LRBA: variants seen among roughly 807,000 people sequenced by gnomAD.
LRBA encodes LPS responsive beige-like anchor protein, also known as lipopolysaccharide-responsive and beige-like anchor protein.
A neutral mutation model predicts 330.0 loss-of-function variants in LRBA; 176 were observed. The ratio of observed to expected loss-of-function variants is 0.53; its 90% CI spans 0.47 to 0.60. The LOEUF (loss-of-function observed/expected upper bound fraction) is 0.60. Among genes scored for constraint, LRBA ranks in the 20% least tolerant of loss-of-function variants. LRBA has a pLI of 0.00. For synonymous variants in LRBA, 1,230 were observed against 1,193.0 expected, an observed-to-expected ratio of 1.03 and a Z score of -0.64; for missense variants, 3,259 against 3,444.8, an observed-to-expected ratio of 0.95 and a Z score of 1.35.
intron 47 of LRBA, among the ~76,000 whole-genome samples, chr4:150,362,102 A>G (rs992827562): frequency 1.3e-5 from 2 of 152,210 alleles, no homozygotes; most frequent in African/African-American, 4.8e-5. Context: ...TGTGCTTCAC[A>G]TAACTCAAAA....
At chr4:150,530,072 A>G (rs1459195776) in intron 40 of LRBA, among the ~76,000 whole-genome samples, 1 of 152,208 alleles carries the variant, frequency 6.6e-6, no homozygotes, top group Non-Finnish European at 1.5e-5. Flanking sequence ...TTGAAATTTA[A>G]TATGTGAATC....
At chr4:150,900,283 C>T (rs1266546479) in intron 13 of LRBA, 66 bp from the exon 14 acceptor site, 2 of 1,205,026 alleles carry the variant, frequency 1.7e-6, no homozygotes, top group African/African-American at 3.0e-5. Context: ...AGTAACACTT[C>T]CAGGCTGTTT....
At chr4:150,303,672 C>T (rs1484403923) in intron 52 of LRBA, among the ~76,000 whole-genome samples, 1 of 152,008 alleles carries the variant, frequency 6.6e-6, no homozygotes, top group Admixed American at 6.6e-5. Flanking sequence ...CCCAGGTTCA[C>T]GCCATTCTCC....
chr4:150,683,130 GT>G (rs1389502955), intron 37 of LRBA, among the ~76,000 whole-genome samples: 1 of 151,922 alleles, frequency 6.6e-6, no homozygotes, highest in African/African-American at 2.4e-5. Flanking sequence ...TGAAAATATG[GT>G]TACTTTCAAA....
At chr4:150,741,047 A>T (rs1731891627) in intron 35 of LRBA, among the ~76,000 whole-genome samples, 1 of 152,150 alleles carries the variant, frequency 6.6e-6, no homozygotes, top group African/African-American at 2.4e-5. Context: ...TAAAGATTTC[A>T]GGAAGTTTAA....
chr4:150,760,794 A>G (rs1734964301), intron 35 of LRBA, among the ~76,000 whole-genome samples: 2 of 152,172 alleles, frequency 1.3e-5, no homozygotes, highest in Non-Finnish European at 2.9e-5. Context: ...CTATCACAGA[A>G]TTTAGCATGA....
intron 22 of LRBA, among the ~76,000 whole-genome samples, chr4:150,864,971 C>T (rs533918934): frequency 2.6e-5 from 4 of 152,124 alleles, no homozygotes; most frequent in South Asian, 4.2e-4. Context: ...CTTTTAACAA[C>T]GATTGCTTTA....
chr4:150,805,429 A>AAAGG (rs1578839188), intron 33 of LRBA, among the ~76,000 whole-genome samples: 19 of 118,850 alleles, frequency 1.6e-4, no homozygotes, highest in Admixed American at 6.0e-4. Flanking sequence ...AAAGGAAAGG[A>AAAGG]AAGGAAAGGA....
chr4:150,466,357 T>C (rs1229547134), intron 44 of LRBA, among the ~76,000 whole-genome samples: 2 of 152,080 alleles, frequency 1.3e-5, no homozygotes, highest in African/African-American at 2.4e-5. Context: ...GTACTTCTCA[T>C]GCTGGGATCT....
At chr4:150,797,099 T>C (rs533191152) in intron 34 of LRBA, among the ~76,000 whole-genome samples, 9 of 152,090 alleles carry the variant, frequency 5.9e-5, no homozygotes, top group Non-Finnish European at 7.4e-5. Flanking sequence ...TCGCACCTTA[T>C]TGACAATGCA....
intron 55 of LRBA, among the ~76,000 whole-genome samples, chr4:150,281,093 A>C (rs1747448621): frequency 6.6e-6 from 1 of 152,204 alleles, no homozygotes. Flanking sequence ...CCTGGTACTA[A>C]CTGAAATGCC....
At chr4:150,625,644 A>G (rs1417667027) in intron 37 of LRBA, among the ~76,000 whole-genome samples, 1 of 151,096 alleles carries the variant, frequency 6.6e-6, no homozygotes, top group Admixed American at 6.6e-5. Flanking sequence ...AAAAATATTC[A>G]TGCCCAATCA....
At chr4:150,568,321 A>C (rs1769408591) in intron 40 of LRBA, among the ~76,000 whole-genome samples, 1 of 152,206 alleles carries the variant, frequency 6.6e-6, no homozygotes, top group Non-Finnish European at 1.5e-5. Flanking sequence ...AGGATTTTAA[A>C]GCACTATGGC....
intron 35 of LRBA, among the ~76,000 whole-genome samples, chr4:150,752,336 ACTGT>A (rs1271030708): frequency 6.6e-6 from 1 of 152,046 alleles, no homozygotes; most frequent in African/African-American, 2.4e-5. Flanking sequence ...AAATCCCTAA[ACTGT>A]TATCTCTCTG....
chr4:150,904,590 A>G (rs1022584362), intron 13 of LRBA, among the ~76,000 whole-genome samples: 3 of 152,176 alleles, frequency 2.0e-5, no homozygotes, highest in Non-Finnish European at 4.4e-5. Flanking sequence ...CCACATCAAA[A>G]GAGACACAAA....
At chr4:150,983,578 G>A (rs1030085150) in intron 2 of LRBA, among the ~76,000 whole-genome samples, 4 of 147,986 alleles carry the variant, frequency 2.7e-5, no homozygotes, top group East Asian at 2.0e-4. Context: ...TCAGCCTCCC[G>A]AGTAGCTGGG....
intron 2 of LRBA, chr4:151,013,554 T>C (rs1437748256): frequency 6.6e-6 from 1 of 152,126 alleles, no homozygotes; most frequent in East Asian, 1.9e-4. Context: ...ATATATGAAT[T>C]ATACCTCAAT....
At chr4:150,831,064 C>A (rs936425446) in intron 29 of LRBA, among the ~76,000 whole-genome samples, 3 of 151,900 alleles carry the variant, frequency 2.0e-5, no homozygotes, top group African/African-American at 7.3e-5. Context: ...CAAGCCCAGC[C>A]CAGAGGTACT....
chr4:150,745,555 G>A (rs963759369), intron 35 of LRBA, among the ~76,000 whole-genome samples: 6 of 151,742 alleles, frequency 4.0e-5, no homozygotes, highest in Non-Finnish European at 7.4e-5. Context: ...TTACTCTGTC[G>A]CCCAGGCTGG....
Sources: gnomAD v4.1 joint callset for allele counts (sites outside exome capture counted in the v4.1 genomes callset) on GRCh38, gnomAD v4.1.1 for gene constraint, MANE v1.5 for transcripts, NCBI Gene and HGNC (gene_info 2026-07-23, HGNC 2026-07-21) for gene names.